Variants in CFAP44 observed in about 807,000 individuals in gnomAD.
CFAP44 encodes cilia- and flagella-associated protein 44.
In CFAP44, 134 loss-of-function variants were observed where a neutral mutation model predicts 216.2. That is an observed-to-expected ratio of 0.62 (90% CI 0.54 to 0.72). CFAP44 has a LOEUF of 0.72. CFAP44 is among the 30% of genes least tolerant of loss of function. The pLI, the probability that CFAP44 is intolerant of heterozygous loss-of-function variation, is 0.00. For synonymous variants in CFAP44, 700 were observed against 727.6 expected (o/e 0.96, Z 0.61); for missense variants, 2,035 against 2,182.1 (o/e 0.93, Z 1.34).
chr3:113,374,764 A>G (rs1933286056), intron 17 of CFAP44, among the ~76,000 whole-genome samples: 1 of 152,100 alleles, frequency 6.6e-6, no homozygotes, highest in African/African-American at 2.4e-5. Context: ...CCTCCCGGGT[A>G]GCTAGGATTG....
intron 22 of CFAP44, among the ~76,000 whole-genome samples, chr3:113,348,384 G>A (rs1272715389): frequency 1.3e-5 from 2 of 152,096 alleles, no homozygotes; most frequent in African/African-American, 4.8e-5. Context: ...TTCTCTCTCT[G>A]ATGGGGAAAA....
At chr3:113,348,043 A>AGT (rs979780050) in intron 22 of CFAP44, among the ~76,000 whole-genome samples, 3 of 152,134 alleles carry the variant, frequency 2.0e-5, no homozygotes, top group African/African-American at 7.2e-5. Flanking sequence ...GAGGAAAACT[A>AGT]GTGTTTTTGC....
chr3:113,337,916 T>A (rs1000962954), intron 24 of CFAP44, among the ~76,000 whole-genome samples: 8 of 151,816 alleles, frequency 5.3e-5, no homozygotes, highest in Non-Finnish European at 1.2e-4. Context: ...ATAAGGAAAA[T>A]TGGTAAGTTG....
At chr3:113,398,710 C>T (rs962625128) in intron 13 of CFAP44, among the ~76,000 whole-genome samples, 4 of 152,174 alleles carry the variant, frequency 2.6e-5, no homozygotes, top group African/African-American at 9.7e-5. Context: ...CATGAAATTC[C>T]CCCTAATTCC....
At position 113,366,059 on chromosome 3, in the gene CFAP44, C is replaced by G. The variant is rs1348111702; in HGVS notation, c.2695G>C (p.Ala899Pro). The G allele has an allele frequency of 1.2e-6, 2 of 1,611,200 alleles. No individual in the cohort carries two copies. Among genetic ancestry groups the G allele is most frequent in the African/African-American group, 1.3e-5 (1 of 74,788 alleles). ...SEFMLRKDMK[A>P]KVPSPRFGIE... ...CATACCCTGGGAGATGGAACTTTGG[C>G]CTTCATGTCTTTCCTTAGCATAAAT... Residue 899 changes from alanine (A) to proline (P), a missense_variant, in exon 19 of 35, where the codon GCC (alanine) becomes CCC (proline). Ala to Pro is a conservative substitution (Grantham distance 27, BLOSUM62 -1). Transcript: ENST00000393845.
chr3:113,326,542 T>C lies in CFAP44; in HGVS notation c.4419A>G (p.Ala1473=). The C allele has an allele frequency of 6.5e-7, 1 of 1,532,534 alleles. No individual in the cohort carries two copies. Among genetic ancestry groups the C allele is most frequent in the Admixed American group, 2.0e-5 (1 of 50,286 alleles). 94.9% of individuals were successfully genotyped at this position (1,532,534 alleles called of 1,614,324 possible). A position where few individuals can be genotyped will look rare whatever the true frequency, so the allele number is the denominator to read the frequency against. ...QEKALYAGFQ[A]AIGENNKFAN... is the part of the protein sequence containing the mutation. ...CAAATTTATTGTTTTCTCCAATGGC[T>C]GCTTGAAAACCAGCATAGAGTGCCT... Residue 1473 remains alanine, a synonymous_variant, in exon 28 of 35, where the codon GCA becomes GCG. Transcript: ENST00000393845.
intron 15 of CFAP44, among the ~76,000 whole-genome samples, chr3:113,381,752 T>C (rs549854635): frequency 6.6e-6 from 1 of 152,358 alleles, no homozygotes; most frequent in Non-Finnish European, 1.5e-5. Flanking sequence ...ATTCTACAAT[T>C]ATTTGTTGTG....
At chr3:113,400,023 G>GA (rs775553487) in intron 12 of CFAP44, 23 bp from the exon 13 acceptor site, 25 of 1,476,934 alleles carry the variant, frequency 1.7e-5, no homozygotes, top group Admixed American at 7.2e-5. Flanking sequence ...AGTTTTAAAA[G>GA]AAAAAAAATT....
chr3:113,316,377 T>TAA (rs150455314), intron 28 of CFAP44, among the ~76,000 whole-genome samples: 3,814 of 151,862 alleles, frequency 0.025, 59 homozygotes, highest in East Asian at 0.053. Flanking sequence ...CAACAAAACC[T>TAA]AAACATGGAA....
At chr3:113,410,899 T>C (rs1576596687) in intron 6 of CFAP44, among the ~76,000 whole-genome samples, 1 of 152,368 alleles carries the variant, frequency 6.6e-6, no homozygotes, top group Non-Finnish European at 1.5e-5. Flanking sequence ...TGATGGCCAG[T>C]GATGATGAGC....
chr3:113,332,774 G>A (rs1950251141), intron 25 of CFAP44, among the ~76,000 whole-genome samples: 1 of 152,152 alleles, frequency 6.6e-6, no homozygotes. Flanking sequence ...TGAGCATTGA[G>A]TTGCCTAGAA....
chr3:113,347,032 T>G (rs1950391602), intron 22 of CFAP44, among the ~76,000 whole-genome samples: 1 of 152,198 alleles, frequency 6.6e-6, no homozygotes, highest in Non-Finnish European at 1.5e-5. Context: ...GCGACCCAGA[T>G]GGGACATCGC....
Position 113,330,653 on chromosome 3 carries a change from T to C in CFAP44, c.3631A>G (p.Arg1211Gly). ...HLDSLVHGNK[R>G]HMNKCILSLR... ...GAGAGAATGCACTTGTTCATGTGCC[T>C]TTTATTTCCATGGACCTGAAAAAAA... The change falls in exon 26 of 35, where the codon AGG (arginine) becomes GGG (glycine). Residue 1211 changes from arginine (R) to glycine (G), a missense_variant. By Grantham distance (125) the Arg-to-Gly change is moderately radical (BLOSUM62 -2). Around this residue, in one of 3 missense-constraint regions of CFAP44, gnomAD observed 1,883 missense variants for 2,023.7 expected, o/e 0.93. Transcript: ENST00000393845. The C allele has an allele frequency of 6.5e-7, 1 of 1,530,904 alleles. No individual in the cohort carries two copies. Among genetic ancestry groups the C allele is most frequent in the Non-Finnish European group, 8.7e-7 (1 of 1,144,792 alleles). The allele number at this position is 1,530,904 out of a possible 1,614,324, so 94.8% of individuals were successfully genotyped here. A position where few individuals can be genotyped will look rare whatever the true frequency, so the allele number is the denominator to read the frequency against.
intron 28 of CFAP44, among the ~76,000 whole-genome samples, chr3:113,323,367 A>G (rs1193039950): frequency 6.6e-6 from 1 of 152,222 alleles, no homozygotes; most frequent in Non-Finnish European, 1.5e-5. Context: ...ACAGGAACAG[A>G]AAACCAAATA....
chr3:113,361,251 A>G (rs913070548), intron 21 of CFAP44: 3 of 218,800 alleles, frequency 1.4e-5, no homozygotes, highest in South Asian at 1.6e-4. Flanking sequence ...TTCATCTGTC[A>G]GTCCTACTTT....
At chr3:113,373,942 A>T (rs1933255167) in intron 17 of CFAP44, among the ~76,000 whole-genome samples, 2 of 152,182 alleles carry the variant, frequency 1.3e-5, no homozygotes, top group South Asian at 2.1e-4. Flanking sequence ...GTAACTGTAA[A>T]CACTGTTAAT....
rs578122433 is a variant in CFAP44 at position 113,409,404 on chromosome 3, G to A, written c.674-82C>T. On this transcript the variant is annotated intron_variant, in intron 6 of 34. Coordinates refer to ENST00000393845, the MANE Select transcript of CFAP44 (RefSeq NM_001164496.2). ...ACATATTGTAAAAAAAAGAGAGGGAGTCAGCCCATGGTGATGTAAGAATGC... is the reference window on the plus strand; with the variant it reads ...ACATATTGTAAAAAAAAGAGAGGGAATCAGCCCATGGTGATGTAAGAATGC... The A allele has an allele frequency of 1.3e-4, 170 of 1,273,938 alleles. 1 individual carries two copies. Among genetic ancestry groups the A allele is most frequent in the South Asian group, 1.1e-3 (86 of 76,196 alleles). 78.9% of individuals were successfully genotyped at this position (1,273,938 alleles called of 1,614,324 possible).
intron 8 of CFAP44, 62 bp downstream of exon 8, chr3:113,406,865 G>C: frequency 8.7e-7 from 1 of 1,142,886 alleles, no homozygotes; most frequent in Non-Finnish European, 1.3e-6. Context: ...TCATATATGT[G>C]TGCTTTCATA....
intron 15 of CFAP44, 73 bp downstream of exon 15, chr3:113,395,677 T>C: frequency 7.4e-7 from 1 of 1,350,046 alleles, no homozygotes; most frequent in South Asian, 1.4e-5. Flanking sequence ...CCACCTGCTA[T>C]TTTCTATCTA....
Sources: gnomAD v4.1 joint callset for allele counts (sites outside exome capture counted in the v4.1 genomes callset) on GRCh38, gnomAD v4.1.1 for gene constraint, gnomAD v4.1.1 regional missense constraint, MANE v1.5 for transcripts, NCBI Gene and HGNC (gene_info 2026-07-23, HGNC 2026-07-21) for gene names.